GALNT15: variants seen among roughly 807,000 people sequenced by gnomAD.
GALNT15 encodes polypeptide N-acetylgalactosaminyltransferase 15.
Under a neutral mutation model 66.8 loss-of-function variants are expected in GALNT15, and 67 were observed. The observed-to-expected ratio is 1.00, with a 90% CI of 0.82 to 1.23. The LOEUF (loss-of-function observed/expected upper bound fraction) is 1.23, where lower values mean the gene tolerates loss of function less well. Among genes scored for constraint, GALNT15 ranks in the 50% most tolerant of loss-of-function variants. The pLI is 0.00. For missense variants in GALNT15, 827 were observed against 804.3 expected (o/e 1.03, Z -0.34); for synonymous variants, 313 against 311.5 (o/e 1.00, Z -0.05).
the GALNT15 span, among the ~76,000 whole-genome samples, chr3:16,239,813 A>G: frequency 6.6e-6 from 1 of 152,222 alleles, no homozygotes; most frequent in Non-Finnish European, 1.5e-5. This position sits in a 1 kb window ranked among gnomAD's most constrained non-coding sequence, Gnocchi z 5.2. Flanking sequence ...TGGGCTTCCC[A>G]TGGGATATAT....
At chr3:16,232,502 ATATATATATT>A (rs1559698400), downstream of GALNT15, among the ~76,000 whole-genome samples, 2 of 87,338 alleles carry the variant, frequency 2.3e-5, no homozygotes, top group Admixed American at 1.1e-4. Context: ...ATATATATAT[ATATATATATT>A]TATTTAAAAG....
At position 16,188,903 on chromosome 3, in the gene GALNT15, A is replaced by C. The variant is rs181721862; in HGVS notation, c.540-6857A>C. Among the ~76,000 whole-genome samples the C allele has an allele frequency of 6.6e-6, 1 of 152,078 alleles. No homozygotes were observed. Among genetic ancestry groups the C allele is most frequent in the South Asian group, 2.1e-4 (1 of 4,816 alleles). On this transcript the variant is annotated intron_variant, in intron 1 of 9. Transcript: ENST00000339732. This position sits in a 1 kb window ranked among gnomAD's most constrained non-coding sequence, Gnocchi z 4.6. ...TGTGTCCTCTCTCTCCAAGGTCCTC[A>C]TGATGACATGAGGAGCCCAGGGTTC...
chr3:16,211,646 T>C lies in GALNT15; in HGVS notation c.1197+405T>C, dbSNP rs1218588051. On this transcript the variant is annotated intron_variant, in intron 5 of 9. Coordinates refer to ENST00000339732, the MANE Select transcript of GALNT15 (RefSeq NM_054110.5). This position sits in a 1 kb window ranked among gnomAD's most constrained non-coding sequence, Gnocchi z 4.3. ...GGTCCAAACAATGTAATACTTGTCATAAAAACTTAGCACCTGTTGGGCACC... is the reference window on the plus strand; with the variant it reads ...GGTCCAAACAATGTAATACTTGTCACAAAAACTTAGCACCTGTTGGGCACC... Among the ~76,000 whole-genome samples, 1 of 152,216 alleles carries C rather than the reference T, an allele frequency of 6.6e-6. No homozygotes were observed. The highest frequency in any genetic ancestry group is 1.5e-5 in the Non-Finnish European group (1 of 68,052).
the GALNT15 span, among the ~76,000 whole-genome samples, chr3:16,243,672 G>A: frequency 4.6e-5 from 7 of 152,222 alleles, no homozygotes; most frequent in Non-Finnish European, 7.3e-5. Flanking sequence ...TTTGGGAAAA[G>A]ATTGGGAAGC....
intron 3 of GALNT15, among the ~76,000 whole-genome samples, chr3:16,202,534 G>T (rs1341122155): frequency 6.6e-6 from 1 of 152,262 alleles, no homozygotes; most frequent in Non-Finnish European, 1.5e-5. Context: ...TCGGGAGGCT[G>T]AGGTGGGAGA....
intron 1 of GALNT15, among the ~76,000 whole-genome samples, chr3:16,190,545 G>A (rs2063564612): frequency 6.6e-6 from 1 of 151,356 alleles, no homozygotes. Flanking sequence ...GGCTGAGGCA[G>A]GAGAATGGCG....
chr3:16,237,303 C>T, the GALNT15 span, among the ~76,000 whole-genome samples: 1 of 152,182 alleles, frequency 6.6e-6, no homozygotes, highest in Non-Finnish European at 1.5e-5. This position sits in a 1 kb window ranked among gnomAD's most constrained non-coding sequence, Gnocchi z 4.2. Flanking sequence ...GCTCATAAAA[C>T]CTGTTTAACA....
chr3:16,202,430 C>T (rs1286364345), intron 3 of GALNT15, among the ~76,000 whole-genome samples: 2 of 152,124 alleles, frequency 1.3e-5, no homozygotes, highest in Non-Finnish European at 2.9e-5. Flanking sequence ...GTCAGGAGTT[C>T]GAGACCAGCC....
the GALNT15 span, among the ~76,000 whole-genome samples, chr3:16,248,221 T>C: frequency 6.6e-6 from 1 of 152,214 alleles, no homozygotes; most frequent in Non-Finnish European, 1.5e-5. This position sits in a 1 kb window ranked among gnomAD's most constrained non-coding sequence, Gnocchi z 4.9. Flanking sequence ...ATCCTCGTGG[T>C]CTATGCCCTG....
the GALNT15 span, among the ~76,000 whole-genome samples, chr3:16,238,447 A>G: frequency 1.3e-5 from 2 of 151,900 alleles, no homozygotes; most frequent in Non-Finnish European, 2.9e-5. The surrounding 1 kb of genome is among the most constrained non-coding windows in gnomAD (Gnocchi z 4.8). Flanking sequence ...TTGTTACAAT[A>G]TTAACAACAT....
At chr3:16,220,040 G>A (rs373770146) in intron 8 of GALNT15, 26 bp downstream of exon 8, 2 of 1,545,212 alleles carry the variant, frequency 1.3e-6, no homozygotes, top group Non-Finnish European at 1.8e-6. Context: ...TCTCAGGATG[G>A]ATGATAGCCC....
At chr3:16,201,684 G>A (rs920850979) in intron 3 of GALNT15, among the ~76,000 whole-genome samples, 2 of 152,098 alleles carry the variant, frequency 1.3e-5, no homozygotes, top group African/African-American at 4.8e-5. Flanking sequence ...AGTTGGAGAG[G>A]ACTGCATTAC....
downstream of GALNT15, among the ~76,000 whole-genome samples, chr3:16,233,453 C>T (rs1221565629): frequency 1.3e-5 from 2 of 152,068 alleles, no homozygotes; most frequent in East Asian, 1.9e-4. Context: ...TTCTTCTTTT[C>T]CCTCAGCATT....
chr3:16,175,189 G>C lies in GALNT15; in HGVS notation c.38G>C (p.Arg13Thr), dbSNP rs1036841132. 3 of 1,614,050 alleles carry C rather than the reference G, an allele frequency of 1.9e-6. No individual in the cohort carries two copies. Among genetic ancestry groups the C allele is most frequent in the Non-Finnish European group, 2.5e-6 (3 of 1,180,032 alleles). Residue 13 changes from arginine to threonine, a missense_variant, in exon 1 of 10, where the codon AGA becomes ACA. Coordinates refer to ENST00000339732, the MANE Select transcript of GALNT15 (RefSeq NM_054110.5). The surrounding 1 kb of genome is among the most constrained non-coding windows in gnomAD (Gnocchi z 5.6). ...AAGCGATACAGGCACAGACCATGCA[G>C]ACTCCAGTTCCTCCTGCTGCTCCTG... ...LRKRYRHRPCRLQFLLLLLML... is the reference protein window; with the variant it reads ...LRKRYRHRPCTLQFLLLLLML...
At chr3:16,207,501 TAAAAAAAAAAAAAA>T (rs36127239) in intron 3 of GALNT15, among the ~76,000 whole-genome samples, 4,960 of 39,732 alleles carry the variant, frequency 0.12, 740 homozygotes, top group African/African-American at 0.19. Context: ...CTCCAGGCTG[TAAAAAAAAAAAAAA>T]AAAAAAAAAA....
rs549344779 is a variant in GALNT15 at position 16,223,710 on chromosome 3, T to G, written c.1773+952T>G. On this transcript the variant is annotated intron_variant, in intron 9 of 9. Transcript: ENST00000339732. Reference sequence around the variant, plus strand: ...AGAAGTCTTTTTTTTTTTTTTTTTTTGGGACAGTGTCTCACTCTGTTACCC... The same window carrying G: ...AGAAGTCTTTTTTTTTTTTTTTTTTGGGGACAGTGTCTCACTCTGTTACCC... Among the ~76,000 whole-genome samples the G allele has an allele frequency of 9.7e-4, 133 of 136,514 alleles. 2 individuals are homozygous for G. In the South Asian group the frequency reaches 0.013, roughly 13 times the overall value. The allele number at this position is 136,514 out of a possible 152,430, so 89.6% of individuals were successfully genotyped here. A position where few individuals can be genotyped will look rare whatever the true frequency, so the allele number is the denominator to read the frequency against.
At chr3:16,235,978 G>A (rs1180058521), downstream of GALNT15, among the ~76,000 whole-genome samples, 1 of 151,568 alleles carries the variant, frequency 6.6e-6, no homozygotes, top group Non-Finnish European at 1.5e-5. Context: ...GGTGGCGGGT[G>A]CCTGTAATCC....
chr3:16,227,120 C>T lies in GALNT15; in HGVS notation c.1774-234C>T, dbSNP rs2064028551. On this transcript the variant is annotated intron_variant, in intron 9 of 9. Coordinates refer to ENST00000339732, the MANE Select transcript of GALNT15 (RefSeq NM_054110.5). This position sits in a 1 kb window ranked among gnomAD's most constrained non-coding sequence, Gnocchi z 4.5. ...AACTTTCTAAGAAATGGTGCAATTACACAACTACAATAAAGATAATTGGAT... is the reference window on the plus strand; with the variant it reads ...AACTTTCTAAGAAATGGTGCAATTATACAACTACAATAAAGATAATTGGAT... 6.6e-6 allele frequency among the ~76,000 whole-genome samples: 1 copy of T among 152,212 alleles called. No homozygotes were observed.
chr3:16,195,896 A>C lies in GALNT15; in HGVS notation c.676A>C (p.Ile226Leu), dbSNP rs760417956. 5 of 1,614,068 alleles carry C rather than the reference A, an allele frequency of 3.1e-6. No homozygotes were observed. The Admixed American group carries it at 8.3e-5, about 27-fold the overall frequency. ...DTVPRAFLKE[I>L]ILVDDLSQQG... ...AGTGCCCAGGGCCTTCCTGAAGGAG[A>C]TCATCCTCGTGGACGACCTCAGCCA... The change falls in exon 2 of 10, where the codon ATC becomes CTC. Residue 226 changes from isoleucine (I) to leucine (L), a missense_variant. Physicochemically the swap from Ile to Leu is conservative, Grantham distance 5. Transcript: ENST00000339732. The surrounding 1 kb of genome is among the most constrained non-coding windows in gnomAD (Gnocchi z 4.6).
Sources: gnomAD v4.1 joint callset for allele counts (sites outside exome capture counted in the v4.1 genomes callset) on GRCh38, gnomAD v4.1.1 for gene constraint, Gnocchi (gnomAD v3.1) non-coding constraint, MANE v1.5 for transcripts, NCBI Gene and HGNC (gene_info 2026-07-23, HGNC 2026-07-21) for gene names.